Variants in SP140 observed in about 807,000 individuals in gnomAD.
The protein encoded by SP140 is SP140 nuclear body protein, also known as nuclear body protein SP140.
In SP140, 81 loss-of-function variants were observed where a neutral mutation model predicts 125.0. The observed-to-expected ratio is 0.65, with a 90% confidence interval of 0.54 to 0.78. SP140 has a LOEUF of 0.78. Among genes scored for constraint, SP140 ranks in the 30% least tolerant of loss-of-function variants. SP140 has a pLI of 0.00. For synonymous variants in SP140, 312 were observed against 354.0 expected (o/e 0.88, Z 1.33); for missense variants, 858 against 1,037.0 (o/e 0.83, Z 2.37).
In SP140 at chr2:230,211,631, A is replaced by G; in HGVS notation, c.-322-2023A>G. 1 of 899,734 alleles carries G rather than the reference A, an allele frequency of 1.1e-6. No homozygotes were observed. The highest frequency in any genetic ancestry group is 1.7e-5 in the Admixed American group (1 of 57,744). The allele number at this position is 899,734 out of a possible 1,614,324, so 55.7% of individuals were successfully genotyped here. A position where few individuals can be genotyped will look rare whatever the true frequency, so the allele number is the denominator to read the frequency against. Reference sequence around the variant, plus strand: ...GAATGAGGAGAAAAGAGAATGCTCTATTCCAACAAGTAAAAATGACGGGGT... The same window carrying G: ...GAATGAGGAGAAAAGAGAATGCTCTGTTCCAACAAGTAAAAATGACGGGGT... On this transcript the variant is annotated intron_variant, in intron 1 of 4. Transcript: ENST00000456542. The surrounding 1 kb of genome is among the most constrained non-coding windows in gnomAD (Gnocchi z 4.2).
intron 1 of SP140, among the ~76,000 whole-genome samples, 190 bp downstream of exon 1, chr2:230,226,093 C>T (rs543044177): frequency 2.6e-4 from 39 of 152,298 alleles, no homozygotes; most frequent in African/African-American, 5.8e-4. Flanking sequence ...GATGCCGTGA[C>T]TCACATCATC....
intron 6 of SP140, 122 bp from the exon 7 acceptor site, chr2:230,245,741 G>A (rs2049345988): frequency 1.5e-6 from 1 of 650,620 alleles, no homozygotes; most frequent in African/African-American, 1.8e-5. Context: ...CTTTTGTTTG[G>A]TGCAAAGATA....
intron 15 of SP140, among the ~76,000 whole-genome samples, chr2:230,279,537 G>A (rs2055213590): frequency 6.6e-6 from 1 of 152,090 alleles, no homozygotes; most frequent in African/African-American, 2.4e-5. Flanking sequence ...AGTAATCTTT[G>A]ATAAGGACAA....
intron 4 of SP140, 84 bp from the exon 5 acceptor site, chr2:230,243,647 A>C: frequency 1.8e-6 from 2 of 1,100,760 alleles, no homozygotes; most frequent in Non-Finnish European, 2.7e-6. Flanking sequence ...AGGTTTTCTT[A>C]GTTTTCTCAT....
chr2:230,210,989 A>G (rs575397210), intron 1 of SP140, among the ~76,000 whole-genome samples: 3 of 152,188 alleles, frequency 2.0e-5, no homozygotes, highest in African/African-American at 7.2e-5. Context: ...TTAGGGCCAC[A>G]CAGTGTTTTT....
At chr2:230,299,930 C>T (rs1169653146) in intron 22 of SP140, among the ~76,000 whole-genome samples, 2 of 152,110 alleles carry the variant, frequency 1.3e-5, no homozygotes, top group African/African-American at 2.4e-5. Flanking sequence ...CAAGCCACCC[C>T]TCATCCCCCA....
chr2:230,268,111 G>T (rs2053396872), intron 12 of SP140, among the ~76,000 whole-genome samples: 1 of 152,014 alleles, frequency 6.6e-6, no homozygotes, highest in South Asian at 2.1e-4. Context: ...TTTTTTTGGT[G>T]GGGTTTTGCT....
chr2:230,246,742 C>G (rs1272538335), intron 7 of SP140, among the ~76,000 whole-genome samples: 1 of 151,710 alleles, frequency 6.6e-6, no homozygotes. Flanking sequence ...GAAATGAGCA[C>G]CATGGAAGAA....
chr2:230,293,104 CT>C (rs2057313984), intron 20 of SP140, among the ~76,000 whole-genome samples: 1 of 152,142 alleles, frequency 6.6e-6, no homozygotes, highest in African/African-American at 2.4e-5. Context: ...GAAGAAGACA[CT>C]TCAGAGAAAG....
upstream of SP140, chr2:230,225,420 C>A: frequency 3.2e-6 from 1 of 313,630 alleles, no homozygotes. Context: ...CATGGCCAGC[C>A]CTGGAGCCTG....
At chr2:230,299,101 C>G (rs1179014300) in intron 22 of SP140, among the ~76,000 whole-genome samples, 2 of 152,216 alleles carry the variant, frequency 1.3e-5, no homozygotes, top group Non-Finnish European at 2.9e-5. Flanking sequence ...ACTTGCTCCT[C>G]CTACTCAGAT....
rs939390969 is a variant in SP140, at chr2:230,295,045, C to T, written c.2016+727C>T. On this transcript the variant is annotated intron_variant, in intron 21 of 26. Coordinates refer to ENST00000392045, the MANE Select transcript of SP140 (RefSeq NM_007237.5). Reference sequence around the variant, plus strand: ...GCTCTACCAGAGGGACTGTGCAGACCTGCTTTTTATCTGTGAAAGTGATTT... The same window carrying T: ...GCTCTACCAGAGGGACTGTGCAGACTTGCTTTTTATCTGTGAAAGTGATTT... 3.9e-4 allele frequency among the ~76,000 whole-genome samples: 60 copies of T among 152,220 alleles called. 2 individuals are homozygous for T. Among genetic ancestry groups the T allele is most frequent in the African/African-American group, 1.4e-3 (57 of 41,460 alleles).
Position 230,212,317 on chromosome 2 carries a change from C to A in SP140, c.-322-1337C>A, listed in dbSNP as rs200043788. The A allele has an allele frequency of 4.6e-6, 7 of 1,533,176 alleles. No individual in the cohort carries two copies. In the East Asian group the frequency reaches 1.1e-4, roughly 25 times the overall value. 95.0% of individuals were successfully genotyped at this position (1,533,176 alleles called of 1,614,324 possible). Reference sequence around the variant, plus strand: ...GTTCTCCCTTCACAGTCACCTTGAGCTAAGCGGTATCAGCCCCAGTCAGTG... The same window carrying A: ...GTTCTCCCTTCACAGTCACCTTGAGATAAGCGGTATCAGCCCCAGTCAGTG... On this transcript the variant is annotated intron_variant, in intron 1 of 4. Transcript: ENST00000456542.
chr2:230,292,901 G>C, intron 20 of SP140, 113 bp downstream of exon 20: 1 of 1,482,776 alleles, frequency 6.7e-7, no homozygotes, highest in Non-Finnish European at 9.1e-7. Flanking sequence ...GATGCCAGTG[G>C]GTTTATCCTC....
chr2:230,254,955 C>A (rs1331457059), intron 11 of SP140, among the ~76,000 whole-genome samples: 1 of 152,218 alleles, frequency 6.6e-6, no homozygotes, highest in African/African-American at 2.4e-5. Context: ...TCCTGATCCC[C>A]TTCCTTATCT....
At chr2:230,291,013 G>A (rs2057049826) in intron 19 of SP140, among the ~76,000 whole-genome samples, 1 of 152,196 alleles carries the variant, frequency 6.6e-6, no homozygotes, top group Non-Finnish European at 1.5e-5. Flanking sequence ...TCCATTCTGA[G>A]TAGAGAAGGG....
intron 16 of SP140, among the ~76,000 whole-genome samples, 153 bp from the exon 17 acceptor site, chr2:230,285,599 A>G (rs1427505109): frequency 6.6e-6 from 1 of 152,184 alleles, no homozygotes; most frequent in Non-Finnish European, 1.5e-5. Flanking sequence ...GTGTAACTTA[A>G]AAGTCGACAC....
At chr2:230,288,517 CT>C (rs34649772) in intron 18 of SP140, among the ~76,000 whole-genome samples, 12,489 of 69,826 alleles carry the variant, frequency 0.18, 830 homozygotes, top group South Asian at 0.26. Flanking sequence ...TTCTTTCTTT[CT>C]TTCTTTTTTT....
chr2:230,297,718 G>A (rs998422695), intron 22 of SP140, among the ~76,000 whole-genome samples: 1 of 152,216 alleles, frequency 6.6e-6, no homozygotes, highest in Non-Finnish European at 1.5e-5. Flanking sequence ...GAGTATGGGA[G>A]GCTGAGCTCC....
Sources: gnomAD v4.1 joint callset for allele counts (sites outside exome capture counted in the v4.1 genomes callset) on GRCh38, gnomAD v4.1.1 for gene constraint, Gnocchi (gnomAD v3.1) non-coding constraint, MANE v1.5 for transcripts, NCBI Gene and HGNC (gene_info 2026-07-23, HGNC 2026-07-21) for gene names.